The following DMXL1 variants were observed in gnomAD, a reference collection of about 807,000 sequenced individuals.
DMXL1 encodes dmX-like protein 1.
In DMXL1, 99 loss-of-function variants were observed where a neutral mutation model predicts 319.2. The ratio of observed to expected loss-of-function variants is 0.31; its 90% CI spans 0.26 to 0.37. The LOEUF is 0.37. Among genes scored for constraint, DMXL1 ranks in the 10% least tolerant of loss-of-function variants. The probability of loss-of-function intolerance (pLI) is 1.00; values close to 1 mark genes in which losing one functional copy is unlikely to be tolerated. For synonymous variants in DMXL1, 1,385 were observed against 1,235.2 expected, an observed-to-expected ratio of 1.12 and a Z score of -2.54; for missense variants, 3,745 against 3,595.6, an observed-to-expected ratio of 1.04 and a Z score of -1.06.
At chr5:119,141,966 C>G (rs187437175) in intron 13 of DMXL1, among the ~76,000 whole-genome samples, 1 of 152,208 alleles carries the variant, frequency 6.6e-6, no homozygotes, top group East Asian at 1.9e-4. Context: ...GACCACACAC[C>G]TACAACTGTC....
At chr5:119,143,111 AAAT>A (rs1275320749) in intron 13 of DMXL1, among the ~76,000 whole-genome samples, 1 of 152,024 alleles carries the variant, frequency 6.6e-6, no homozygotes, top group East Asian at 1.9e-4. Flanking sequence ...GGACCAGAAA[AAAT>A]AACTCTCGGG....
At chr5:119,186,839 A>G (rs550547825) in intron 28 of DMXL1, among the ~76,000 whole-genome samples, 2 of 139,158 alleles carry the variant, frequency 1.4e-5, no homozygotes, top group African/African-American at 5.4e-5. Flanking sequence ...AGGAAGGTGT[A>G]TTTGTCTGTA....
intron 17 of DMXL1, 40 bp downstream of exon 17, chr5:119,147,510 A>T (rs780994581): frequency 1.4e-6 from 2 of 1,385,648 alleles, no homozygotes; most frequent in South Asian, 1.2e-5. Flanking sequence ...TTTGTAACAC[A>T]TGAGTATTTA....
At chr5:119,134,493 A>C (rs768010193) in intron 13 of DMXL1, 104 bp downstream of exon 13, 157 of 992,180 alleles carry the variant, frequency 1.6e-4, no homozygotes, top group Non-Finnish European at 2.2e-4. Context: ...ATTTGTAATA[A>C]GCATTTGTAT....
Position 119,102,447 on chromosome 5 carries a change from TC to T in DMXL1, c.285+442del, listed in dbSNP as rs1309820348. On this transcript the variant is annotated intron_variant, in intron 3 of 43. Coordinates refer to ENST00000539542, the MANE Select transcript of DMXL1 (RefSeq NM_001290321.3). ...TCGTTAACAGGTCAATGAATGTTTT[TC>T]TTTATAAGCAAGCTGTACTCAGAAA... Among the ~76,000 whole-genome samples, 3 of 152,238 alleles carry T rather than the reference TC, an allele frequency of 2.0e-5. No homozygotes were observed. In the South Asian group the frequency reaches 6.2e-4, roughly 32 times the overall value.
intron 42 of DMXL1, among the ~76,000 whole-genome samples, chr5:119,242,633 G>A (rs1026451085): frequency 2.0e-5 from 3 of 152,176 alleles, no homozygotes; most frequent in African/African-American, 4.8e-5. Flanking sequence ...ATATGGGAAA[G>A]CAAAGGAATA....
At chr5:119,134,473 G>A in intron 13 of DMXL1, 84 bp downstream of exon 13, 4 of 1,173,890 alleles carry the variant, frequency 3.4e-6, no homozygotes, top group Non-Finnish European at 4.7e-6. Context: ...TTCTACAATT[G>A]TGACCTATAA....
intron 4 of DMXL1, among the ~76,000 whole-genome samples, chr5:119,109,930 A>G (rs558547626): frequency 1.3e-5 from 2 of 152,324 alleles, no homozygotes; most frequent in East Asian, 3.9e-4. Context: ...GACAAAGAAG[A>G]TGCTCATTAA....
intron 10 of DMXL1, chr5:119,132,758 A>G: frequency 1.9e-6 from 1 of 539,752 alleles, no homozygotes; most frequent in Non-Finnish European, 3.8e-6. Context: ...TATGAAACTC[A>G]CCACCAAAGG....
Position 119,148,891 on chromosome 5 carries a change from A to T in DMXL1, c.3064A>T (p.Ile1022Phe), listed in dbSNP as rs778376708. ...GAATGGAAAAATTGATCTTGCATAC[A>T]TTTGGGAAGAATGGCCATTACTTAT... The part of the protein sequence containing the change: ...SKNGKIDLAY[I>F]WEEWPLLIED... Residue 1022 changes from isoleucine (I) to phenylalanine (F), a missense_variant, in exon 18 of 44, where the codon ATT (isoleucine) becomes TTT (phenylalanine). This residue lies in a region of DMXL1 where 2,096 missense variants were observed against 1,985.4 expected (regional missense o/e 1.06). Coordinates refer to ENST00000539542, the MANE Select transcript of DMXL1 (RefSeq NM_001290321.3). 6.2e-7 allele frequency: 1 copy of T among 1,613,734 alleles called. No homozygotes were observed. Among genetic ancestry groups the T allele is most frequent in the Admixed American group, 1.7e-5 (1 of 59,956 alleles).
intron 41 of DMXL1, 104 bp downstream of exon 41, chr5:119,239,184 A>ACAG: frequency 8.4e-7 from 1 of 1,187,784 alleles, no homozygotes; most frequent in Non-Finnish European, 1.2e-6. Flanking sequence ...GGCTTTAGAT[A>ACAG]CAGTATTTTT....
intron 28 of DMXL1, among the ~76,000 whole-genome samples, chr5:119,187,024 T>G (rs1209320642): frequency 6.6e-6 from 1 of 152,016 alleles, no homozygotes; most frequent in Non-Finnish European, 1.5e-5. Context: ...TGTATACTTA[T>G]GTAACAAACC....
intron 7 of DMXL1, among the ~76,000 whole-genome samples, chr5:119,117,232 G>T (rs954927713): frequency 5.9e-5 from 9 of 152,072 alleles, no homozygotes; most frequent in African/African-American, 1.9e-4. Flanking sequence ...GTAGAGATGG[G>T]GTTTTGCCAT....
In DMXL1 at chr5:119,120,877, G is replaced by A. The variant is rs574473369; in HGVS notation, c.934-94G>A. 6.5e-5 allele frequency: 66 copies of A among 1,012,006 alleles called. 1 individual carries two copies. In the Middle Eastern group the frequency reaches 7.2e-4, roughly 11 times the overall value. The allele number at this position is 1,012,006 out of a possible 1,614,324, so 62.7% of individuals were successfully genotyped here. A position where few individuals can be genotyped will look rare whatever the true frequency, so the allele number is the denominator to read the frequency against. ...ATATAAAACATGTAAAATGTTCTGA[G>A]CTAGGATATATGTAACTTCTGACAA... On this transcript the variant is annotated intron_variant, in intron 8 of 43. Transcript: ENST00000539542.
chr5:119,191,454 T>G (rs1322050891), intron 29 of DMXL1, among the ~76,000 whole-genome samples: 1 of 152,238 alleles, frequency 6.6e-6, no homozygotes, highest in Non-Finnish European at 1.5e-5. Context: ...TTTGAGTCAT[T>G]TATTCATTCA....
At chr5:119,136,940 C>G (rs1766137266) in intron 13 of DMXL1, among the ~76,000 whole-genome samples, 1 of 152,244 alleles carries the variant, frequency 6.6e-6, no homozygotes, top group South Asian at 2.1e-4. Flanking sequence ...AGAGTCCCCA[C>G]TGGGGCCTCA....
At position 119,090,438 on chromosome 5, in the gene DMXL1, C is replaced by T. The variant is rs531221201; in HGVS notation, c.88-7541C>T. On this transcript the variant is annotated intron_variant, in intron 1 of 43. Coordinates refer to ENST00000539542, the MANE Select transcript of DMXL1 (RefSeq NM_001290321.3). ...GTTTTCTGTTACTTCTTTGGATAAG[C>T]TTTCTACTTTCTCTTGTTCAAATCC... is the stretch of plus-strand genomic sequence containing the variant. Among the ~76,000 whole-genome samples, 185 of 151,816 alleles carry T rather than the reference C, an allele frequency of 1.2e-3. 3 individuals carry two copies. Among genetic ancestry groups the T allele is most frequent in the South Asian group, 0.011 (54 of 4,792 alleles).
chr5:119,196,585 T>G, intron 31 of DMXL1, 129 bp downstream of exon 31: 1 of 662,016 alleles, frequency 1.5e-6, no homozygotes, highest in Non-Finnish European at 2.6e-6. Context: ...GAAGTTAGAT[T>G]TCTTTTAACT....
intron 31 of DMXL1, among the ~76,000 whole-genome samples, chr5:119,196,974 CAGT>C (rs1779753158): frequency 6.6e-6 from 1 of 152,152 alleles, no homozygotes; most frequent in African/African-American, 2.4e-5. Context: ...AGTAGTAAAT[CAGT>C]AGGTCATTTC....
Sources: allele counts gnomAD v4.1 joint callset (sites outside exome capture counted in the v4.1 genomes callset), GRCh38; gene constraint gnomAD v4.1.1; regional missense constraint gnomAD v4.1.1; transcripts MANE v1.5; gene names NCBI Gene and HGNC (gene_info 2026-07-23, HGNC 2026-07-21).